Variants in DLG2 observed in about 807,000 individuals in gnomAD.
The protein encoded by DLG2 is disks large homolog 2.
In DLG2, 45 loss-of-function variants were observed where a neutral mutation model predicts 132.5. That is an observed-to-expected ratio of 0.34 (90% CI 0.27 to 0.44). The LOEUF (loss-of-function observed/expected upper bound fraction) is 0.44, where lower values mean the gene tolerates loss of function less well. Among genes scored for constraint, DLG2 ranks in the 20% least tolerant of loss-of-function variants. The pLI, the probability that DLG2 is intolerant of heterozygous loss-of-function variation, is 1.00. For missense variants in DLG2, 1,045 were observed against 1,196.9 expected (o/e 0.87, Z 1.87); for synonymous variants, 424 against 419.6 (o/e 1.01, Z -0.13).
chr11:84,438,097 CAAGAGGACT>C (rs1027143932), intron 7 of DLG2, among the ~76,000 whole-genome samples: 6 of 152,174 alleles, frequency 3.9e-5, no homozygotes, highest in Admixed American at 3.9e-4. Flanking sequence ...TCATATCCTC[CAAGAGGACT>C]AAGAGGACTA....
chr11:83,728,393 G>C (rs1315737810), intron 18 of DLG2, among the ~76,000 whole-genome samples: 1 of 152,146 alleles, frequency 6.6e-6, no homozygotes, highest in Non-Finnish European at 1.5e-5. Flanking sequence ...ACTTTATACA[G>C]ACAGCTCTTT....
intron 7 of DLG2, among the ~76,000 whole-genome samples, chr11:84,436,737 C>T (rs2099001973): frequency 6.6e-6 from 1 of 152,150 alleles, no homozygotes; most frequent in Non-Finnish European, 1.5e-5. Context: ...TTAGGTAAGT[C>T]TACACAGAGA....
chr11:83,520,534 T>C (rs1157436201), intron 21 of DLG2, among the ~76,000 whole-genome samples: 1 of 152,176 alleles, frequency 6.6e-6, no homozygotes, highest in Non-Finnish European at 1.5e-5. Context: ...TGGTGCTTAC[T>C]GCGTTGTCAT....
intron 18 of DLG2, among the ~76,000 whole-genome samples, chr11:83,638,320 G>T (rs1591447898): frequency 1.3e-5 from 2 of 152,134 alleles, no homozygotes; most frequent in African/African-American, 4.8e-5. Flanking sequence ...TATGTAGATG[G>T]AGTCAAAATC....
chr11:85,209,872 T>G (rs1465619035), intron 4 of DLG2, among the ~76,000 whole-genome samples: 1 of 152,124 alleles, frequency 6.6e-6, no homozygotes, highest in East Asian at 1.9e-4. Context: ...TCCTTGCTGG[T>G]CCTCTGTCAC....
chr11:84,016,103 C>G (rs558665461), intron 11 of DLG2, among the ~76,000 whole-genome samples: 225 of 151,958 alleles, frequency 1.5e-3, no homozygotes, highest in African/African-American at 5.2e-3. Flanking sequence ...TATCTCTTTG[C>G]GGTTTTTATT....
chr11:84,462,591 C>T (rs1425313948), intron 7 of DLG2, among the ~76,000 whole-genome samples: 3 of 151,106 alleles, frequency 2.0e-5, no homozygotes, highest in African/African-American at 7.3e-5. Flanking sequence ...CAATTTATCA[C>T]ATTTTCACAC....
intron 8 of DLG2, among the ~76,000 whole-genome samples, chr11:84,235,537 C>G (rs1050449785): frequency 2.0e-5 from 3 of 151,846 alleles, no homozygotes; most frequent in African/African-American, 7.3e-5. Flanking sequence ...GAGGGAGAAC[C>G]TGTCTTAAAA....
chr11:85,603,654 A>C, intron 2 of DLG2, among the ~76,000 whole-genome samples: 1 of 151,806 alleles, frequency 6.6e-6, no homozygotes, highest in East Asian at 1.9e-4. Context: ...GGTGGCTCAC[A>C]CCTATAATTC....
At chr11:85,021,839 CA>C (rs1477744441) in intron 6 of DLG2, among the ~76,000 whole-genome samples, 3 of 151,956 alleles carry the variant, frequency 2.0e-5, no homozygotes, top group Non-Finnish European at 4.4e-5. Context: ...TTTCTCTTCA[CA>C]AAAAGAAAAT....
chr11:85,025,151 G>T (rs2060408735), intron 6 of DLG2, among the ~76,000 whole-genome samples: 1 of 152,130 alleles, frequency 6.6e-6, no homozygotes, highest in South Asian at 2.1e-4. Flanking sequence ...ATTTTCCATT[G>T]TATCTCGCAA....
chr11:84,490,091 G>T (rs2099160913), intron 7 of DLG2, among the ~76,000 whole-genome samples: 1 of 152,144 alleles, frequency 6.6e-6, no homozygotes, highest in Non-Finnish European at 1.5e-5. Context: ...TCAGTGGTTA[G>T]CAAGAACACA....
At chr11:83,774,942 C>T (rs964636811) in intron 18 of DLG2, among the ~76,000 whole-genome samples, 1 of 152,096 alleles carries the variant, frequency 6.6e-6, no homozygotes, top group African/African-American at 2.4e-5. Flanking sequence ...GCCTTTATGA[C>T]AGCTTGGGGC....
At chr11:84,741,651 G>T (rs938159758) in intron 6 of DLG2, among the ~76,000 whole-genome samples, 1 of 150,826 alleles carries the variant, frequency 6.6e-6, no homozygotes, top group Non-Finnish European at 1.5e-5. Flanking sequence ...CCAACACCTC[G>T]TCTAAATGAA....
intron 14 of DLG2, among the ~76,000 whole-genome samples, chr11:83,962,337 G>T (rs1363906158): frequency 6.6e-6 from 1 of 152,028 alleles, no homozygotes; most frequent in East Asian, 1.9e-4. Context: ...GGTATGAAAG[G>T]TTTATGCCAG....
rs569616593 is a variant in DLG2, at chr11:84,581,944, A to G, written c.358-47213T>C. On this transcript the variant is annotated intron_variant, in intron 6 of 27. Coordinates refer to ENST00000376104, the MANE Select transcript of DLG2 (RefSeq NM_001142699.3). ...AAAAAAAAAAAAAGAAAGGAAAGAA[A>G]AAAGGGAAAACTGTTTTAAAAATAT... 3.5e-4 allele frequency among the ~76,000 whole-genome samples: 53 copies of G among 151,880 alleles called. 3 individuals carry two copies. The South Asian group carries it at 0.011, about 32-fold the overall frequency.
intron 18 of DLG2, among the ~76,000 whole-genome samples, chr11:83,776,730 T>C (rs2094596883): frequency 6.6e-6 from 1 of 152,210 alleles, no homozygotes; most frequent in Non-Finnish European, 1.5e-5. Flanking sequence ...CTCCTTCAGA[T>C]ACACTTCAGA....
At chr11:83,812,848 A>T (rs751405081) in intron 17 of DLG2, among the ~76,000 whole-genome samples, 2 of 152,176 alleles carry the variant, frequency 1.3e-5, no homozygotes, top group South Asian at 4.1e-4. Flanking sequence ...GGAGTTGCAC[A>T]ATGTTACAGA....
At chr11:83,630,000 A>C (rs543686337) in intron 19 of DLG2, among the ~76,000 whole-genome samples, 1 of 152,276 alleles carries the variant, frequency 6.6e-6, no homozygotes, top group South Asian at 2.1e-4. Flanking sequence ...AACATACCCA[A>C]ATCATTCCCA....
Sources: gnomAD v4.1 joint callset for allele counts (sites outside exome capture counted in the v4.1 genomes callset) on GRCh38, gnomAD v4.1.1 for gene constraint, MANE v1.5 for transcripts, NCBI Gene and HGNC (gene_info 2026-07-23, HGNC 2026-07-21) for gene names.